The following KDM4C variants were observed in gnomAD, a reference collection of about 807,000 sequenced individuals.
KDM4C encodes the protein lysine demethylase 4C, also known as lysine-specific demethylase 4C.
In KDM4C, 81 loss-of-function variants were observed where a neutral mutation model predicts 129.3. The ratio of observed to expected loss-of-function variants is 0.63; its 90% CI spans 0.52 to 0.75. The LOEUF (loss-of-function observed/expected upper bound fraction) is 0.75. Among genes scored for constraint, KDM4C ranks in the 30% least tolerant of loss-of-function variants. The probability of loss-of-function intolerance (pLI) is 0.00; values close to 1 mark genes in which losing one functional copy is unlikely to be tolerated. For missense variants in KDM4C, 1,457 were observed against 1,304.0 expected (o/e 1.12, Z -1.81); for synonymous variants, 573 against 456.1 (o/e 1.26, Z -3.26).
intron 15 of KDM4C, among the ~76,000 whole-genome samples, chr9:7,041,063 T>C (rs818874): frequency 0.99 from 150,176 of 151,172 alleles, 74,603 homozygotes; most frequent in Middle Eastern, 1. Context: ...GTTTTTAAAA[T>C]TCTCTTTTTG....
chr9:6,835,388 T>C, intron 4 of KDM4C: 1 of 1,118,524 alleles, frequency 8.9e-7, no homozygotes. Context: ...GCCAACAGGA[T>C]GCAGAAGGAG....
intron 1 of KDM4C, 96 bp from the exon 2 acceptor site, chr9:6,792,876 A>G: frequency 4.9e-6 from 6 of 1,221,854 alleles, no homozygotes; most frequent in Non-Finnish European, 7.1e-6. Context: ...ACTGAAAGAG[A>G]AGGGTTCCTG....
intron 12 of KDM4C, among the ~76,000 whole-genome samples, chr9:7,010,979 G>A (rs1319295530): frequency 6.6e-6 from 1 of 152,116 alleles, no homozygotes. Context: ...TGGAGGCGGT[G>A]GTTGCAGTGA....
At chr9:6,932,486 A>G (rs922170981) in intron 8 of KDM4C, among the ~76,000 whole-genome samples, 17 of 152,192 alleles carry the variant, frequency 1.1e-4, no homozygotes, top group Non-Finnish European at 2.4e-4. Context: ...GGGAGACTGA[A>G]GTTTAGAGAG....
chr9:6,812,185 C>T (rs950556953), intron 3 of KDM4C, among the ~76,000 whole-genome samples: 10 of 150,358 alleles, frequency 6.7e-5, no homozygotes, highest in Non-Finnish European at 1.2e-4. Flanking sequence ...TGCATTGAGC[C>T]GAGATCATGC....
chr9:6,959,952 G>C (rs373320962), intron 8 of KDM4C, among the ~76,000 whole-genome samples: 6 of 152,022 alleles, frequency 3.9e-5, no homozygotes, highest in East Asian at 3.9e-4. Flanking sequence ...GGCCTCTGCT[G>C]CCATACTAAC....
chr9:6,979,455 C>T (rs2760646), intron 8 of KDM4C, among the ~76,000 whole-genome samples: 112,817 of 151,992 alleles, frequency 0.74, 42,228 homozygotes, highest in Middle Eastern at 0.81. Flanking sequence ...CATTTGGGCT[C>T]CCATGACTTG....
chr9:6,976,860 T>C (rs1279824431), intron 8 of KDM4C, among the ~76,000 whole-genome samples: 1 of 152,146 alleles, frequency 6.6e-6, no homozygotes, highest in Non-Finnish European at 1.5e-5. Context: ...TAAATACATT[T>C]TTGGTGGCTA....
chr9:7,106,434 T>C (rs896634046), intron 18 of KDM4C, among the ~76,000 whole-genome samples: 34 of 152,228 alleles, frequency 2.2e-4, no homozygotes, highest in Admixed American at 1.9e-3. Context: ...TCAGGCTAAC[T>C]TGGCAGCCTG....
At chr9:7,051,859 G>T (rs7019042) in intron 17 of KDM4C, among the ~76,000 whole-genome samples, 13 of 152,004 alleles carry the variant, frequency 8.6e-5, no homozygotes, top group African/African-American at 3.1e-4. Context: ...CACAGTTTTT[G>T]TTCTGTCAAC....
intron 8 of KDM4C, among the ~76,000 whole-genome samples, chr9:6,919,277 C>CTT (rs1416409064): frequency 4.3e-4 from 15 of 34,602 alleles, no homozygotes; most frequent in African/African-American, 6.0e-4. Flanking sequence ...CTTTCTGTCT[C>CTT]TCTCTCTCTC....
Position 7,049,237 on chromosome 9 carries a change from G to A in KDM4C, c.2424+37G>A, listed in dbSNP as rs569582760. The A allele has an allele frequency of 3.5e-6, 4 of 1,130,102 alleles. 1 individual carries two copies. In the South Asian group the frequency reaches 5.3e-5, roughly 15 times the overall value. The allele number at this position is 1,130,102 out of a possible 1,614,324, so 70.0% of individuals were successfully genotyped here. On this transcript the variant is annotated intron_variant, in intron 17 of 21. Transcript: ENST00000381309. The stretch of plus-strand genomic sequence containing the variant: ...AGCTTCTTTTTTACCTCATAAATTA[G>A]TGTTAATTTCAAGTTCTGAATTTTT...
At chr9:6,776,758 C>A (rs11790685) in intron 1 of KDM4C, among the ~76,000 whole-genome samples, 2 of 151,808 alleles carry the variant, frequency 1.3e-5, no homozygotes, top group Non-Finnish European at 2.9e-5. Context: ...CATACCACCA[C>A]GCCCGGGTAA....
In KDM4C at chr9:6,798,492, C is replaced by T. The variant is rs907487702; in HGVS notation, c.144+5360C>T. Among the ~76,000 whole-genome samples, 65 of 152,100 alleles carry T rather than the reference C, an allele frequency of 4.3e-4. 1 individual carries two copies. Among genetic ancestry groups the T allele is most frequent in the Non-Finnish European group, 7.4e-5 (5 of 67,992 alleles). ...TCTGTTTAACAAAGCACATCTTGCA[C>T]CGCCCTTAATCCATTTAACCCTGAG... On this transcript the variant is annotated intron_variant, in intron 2 of 21. Transcript: ENST00000381309.
intron 5 of KDM4C, among the ~76,000 whole-genome samples, chr9:6,875,334 G>A (rs1029091930): frequency 1.3e-5 from 2 of 152,148 alleles, no homozygotes; most frequent in African/African-American, 4.8e-5. Context: ...TGAGTGCCAG[G>A]GTGGACACCT....
chr9:6,922,933 A>T (rs1363925995), intron 8 of KDM4C, among the ~76,000 whole-genome samples: 5 of 152,214 alleles, frequency 3.3e-5, no homozygotes, highest in African/African-American at 1.2e-4. Context: ...TGCACATTAG[A>T]TTTGTTTCCA....
At chr9:6,780,516 C>G (rs1824104075) in intron 1 of KDM4C, among the ~76,000 whole-genome samples, 1 of 151,786 alleles carries the variant, frequency 6.6e-6, no homozygotes, top group African/African-American at 2.4e-5. Flanking sequence ...CCTGTAATCC[C>G]AGCACTTTGG....
intron 2 of KDM4C, among the ~76,000 whole-genome samples, chr9:6,802,061 C>T (rs62567986): frequency 0.13 from 20,013 of 150,686 alleles, 1,683 homozygotes; most frequent in African/African-American, 0.23. Context: ...GCTGACATCG[C>T]GCCATTGCAC....
intron 8 of KDM4C, among the ~76,000 whole-genome samples, chr9:6,920,606 G>A (rs1028679944): frequency 5.9e-5 from 9 of 152,038 alleles, no homozygotes; most frequent in Non-Finnish European, 1.3e-4. Flanking sequence ...ATATCATCCT[G>A]ACAAAATAGG....
Sources: gnomAD v4.1 joint callset for allele counts (sites outside exome capture counted in the v4.1 genomes callset) on GRCh38, gnomAD v4.1.1 for gene constraint, MANE v1.5 for transcripts, NCBI Gene and HGNC (gene_info 2026-07-23, HGNC 2026-07-21) for gene names.